SMARCA2: variants seen among roughly 807,000 people sequenced by gnomAD.
SMARCA2 encodes SWI/SNF-related matrix-associated actin-dependent regulator of chromatin subfamily A member 2.
SMARCA2 carries 61 observed loss-of-function variants against 199.8 expected under a neutral mutation model. The observed-to-expected ratio is 0.31, with a 90% CI of 0.25 to 0.38. The LOEUF (loss-of-function observed/expected upper bound fraction) is 0.38, where lower values mean the gene tolerates loss of function less well. Ranked by LOEUF, SMARCA2 falls within the 10% of genes least tolerant of loss-of-function variation. The pLI is 1.00. For missense variants in SMARCA2, 1,344 were observed against 2,012.2 expected, an observed-to-expected ratio of 0.67 and a Z score of 6.35; for synonymous variants, 935 against 732.0, an observed-to-expected ratio of 1.28 and a Z score of -4.48.
chr9:2,124,210 G>C (rs573262670), intron 27 of SMARCA2, among the ~76,000 whole-genome samples: 1 of 152,358 alleles, frequency 6.6e-6, no homozygotes, highest in African/African-American at 2.4e-5. Flanking sequence ...TGGAAGCACA[G>C]GATTATGAGA....
At chr9:2,057,702 T>G (rs1410247507) in intron 7 of SMARCA2, among the ~76,000 whole-genome samples, 1 of 152,236 alleles carries the variant, frequency 6.6e-6, no homozygotes, top group African/African-American at 2.4e-5. Flanking sequence ...TGATTTCCTG[T>G]CATAGTCCTG....
At chr9:2,135,146 A>G (rs551425600) in intron 27 of SMARCA2, among the ~76,000 whole-genome samples, 2 of 152,342 alleles carry the variant, frequency 1.3e-5, no homozygotes, top group East Asian at 3.9e-4. Context: ...CACTGCTGGT[A>G]TAAATCCTGG....
chr9:2,035,821 T>G (rs995640129), intron 3 of SMARCA2, among the ~76,000 whole-genome samples: 1 of 152,258 alleles, frequency 6.6e-6, no homozygotes, highest in Non-Finnish European at 1.5e-5. Context: ...GGCTGAGGAA[T>G]GAGTTATTTA....
chr9:2,109,911 C>A (rs1239423402), intron 23 of SMARCA2, among the ~76,000 whole-genome samples: 1 of 151,996 alleles, frequency 6.6e-6, no homozygotes, highest in Admixed American at 6.5e-5. Flanking sequence ...AGAGACAGGG[C>A]GAGAGAGGAA....
rs759815587 is a variant in SMARCA2, at chr9:2,056,648, G to A, written c.1174-24G>A. The A allele has an allele frequency of 1.2e-6, 2 of 1,602,956 alleles. No individual in the cohort carries two copies. The highest frequency in any genetic ancestry group is 1.7e-5 in the Admixed American group (1 of 57,600). On this transcript the variant is annotated intron_variant, in intron 6 of 33. Transcript: ENST00000349721. This position sits in a 1 kb window ranked among gnomAD's most constrained non-coding sequence, Gnocchi z 4.0. ...AACCTAGCTTCTGTTAGGGAAGGCT[G>A]TCTAACTGCTCTCTTCTTGACAGCT...
intron 9 of SMARCA2, 44 bp downstream of exon 9, chr9:2,061,030 A>G (rs1318952812): frequency 6.3e-7 from 1 of 1,582,892 alleles, no homozygotes; most frequent in Non-Finnish European, 8.6e-7. Flanking sequence ...GTGTATGGGC[A>G]GGGATAAGTT....
intron 27 of SMARCA2, among the ~76,000 whole-genome samples, chr9:2,126,426 A>G (rs1056726118): frequency 1.3e-5 from 2 of 152,268 alleles, no homozygotes; most frequent in African/African-American, 4.8e-5. Context: ...TAAGCATTCA[A>G]AGTAGATGCT....
chr9:2,150,381 A>G (rs1350725767), intron 27 of SMARCA2, among the ~76,000 whole-genome samples: 2 of 151,540 alleles, frequency 1.3e-5, no homozygotes. Flanking sequence ...CAGGCCCCAC[A>G]CAAGCTTAGA....
chr9:2,082,511 G>C (rs575935734), intron 15 of SMARCA2, among the ~76,000 whole-genome samples: 10 of 152,314 alleles, frequency 6.6e-5, no homozygotes, highest in South Asian at 6.2e-4. Flanking sequence ...TTGCTGCTTA[G>C]TAAGGACAGG....
chr9:2,097,064 T>C lies in SMARCA2; in HGVS notation c.2991+300T>C. 3 of 493,552 alleles carry C rather than the reference T, an allele frequency of 6.1e-6. No individual in the cohort carries two copies. The East Asian group carries it at 1.1e-4, about 17-fold the overall frequency. The allele number at this position is 493,552 out of a possible 1,614,324, so 30.6% of individuals were successfully genotyped here. On this transcript the variant is annotated intron_variant, in intron 20 of 33. Coordinates refer to ENST00000349721, the MANE Select transcript of SMARCA2 (RefSeq NM_003070.5). ...CATTTTAGAAGGTTTTAAAATCCAG[T>C]TTCACTCCCTGGGCATCTGTTCTGT...
intron 31 of SMARCA2, among the ~76,000 whole-genome samples, chr9:2,185,199 C>T (rs565764657): frequency 3.3e-5 from 5 of 152,170 alleles, no homozygotes; most frequent in Non-Finnish European, 7.3e-5. Context: ...TCCCCCAGCC[C>T]CTGGCACCCA....
At chr9:2,188,267 T>A (rs543596673) in intron 32 of SMARCA2, among the ~76,000 whole-genome samples, 4 of 152,298 alleles carry the variant, frequency 2.6e-5, no homozygotes, top group Admixed American at 2.6e-4. Flanking sequence ...AATCAGGCTG[T>A]TTCCCAATAA....
intron 19 of SMARCA2, among the ~76,000 whole-genome samples, chr9:2,088,894 T>TTTTTTTTTTA (rs1554624155): frequency 6.6e-6 from 1 of 151,366 alleles, no homozygotes; most frequent in African/African-American, 2.4e-5. Flanking sequence ...TTTTTTTTTT[T>TTTTTTTTTTA]AAATTACGGA....
intron 28 of SMARCA2, among the ~76,000 whole-genome samples, chr9:2,164,939 CACTA>C (rs944018281): frequency 2.6e-5 from 4 of 152,116 alleles, no homozygotes; most frequent in Admixed American, 1.3e-4. Flanking sequence ...CTAGAAAAAG[CACTA>C]ACTATTTATA....
At chr9:2,027,508 A>G (rs1217223726) in intron 1 of SMARCA2, among the ~76,000 whole-genome samples, 1 of 152,192 alleles carries the variant, frequency 6.6e-6, no homozygotes, top group African/African-American at 2.4e-5. Context: ...GGCCCTTGAA[A>G]TTTACTCTGC....
intron 29 of SMARCA2, among the ~76,000 whole-genome samples, chr9:2,177,232 A>G (rs1826671665): frequency 6.6e-6 from 1 of 152,190 alleles, no homozygotes; most frequent in Non-Finnish European, 1.5e-5. Flanking sequence ...TTCTTCCCAA[A>G]CGACTTTGCT....
At chr9:2,113,186 CAGAT>C (rs913333355) in intron 24 of SMARCA2, among the ~76,000 whole-genome samples, 1 of 152,138 alleles carries the variant, frequency 6.6e-6, no homozygotes, top group Non-Finnish European at 1.5e-5. Context: ...CATAGGTTGA[CAGAT>C]AGAGGCCTTA....
At chr9:2,133,261 A>G (rs1824041956) in intron 27 of SMARCA2, among the ~76,000 whole-genome samples, 1 of 152,178 alleles carries the variant, frequency 6.6e-6, no homozygotes. Context: ...TATTTTAGGA[A>G]TATGTCTATC....
At chr9:2,146,995 G>C (rs1391009823) in intron 27 of SMARCA2, among the ~76,000 whole-genome samples, 1 of 152,138 alleles carries the variant, frequency 6.6e-6, no homozygotes, top group Non-Finnish European at 1.5e-5. Context: ...AGCCCAGTAG[G>C]TTTCAGCTTT....
Sources: gnomAD v4.1 joint callset for allele counts (sites outside exome capture counted in the v4.1 genomes callset) on GRCh38, gnomAD v4.1.1 for gene constraint, Gnocchi (gnomAD v3.1) non-coding constraint, MANE v1.5 for transcripts, NCBI Gene and HGNC (gene_info 2026-07-23, HGNC 2026-07-21) for gene names.